The following NOX4 variants were observed in gnomAD, a reference collection of about 807,000 sequenced individuals.
NOX4 encodes NADPH oxidase 4.
NOX4 carries 69 observed loss-of-function variants against 87.6 expected under a neutral mutation model. That is an observed-to-expected ratio of 0.79 (90% confidence interval 0.65 to 0.96). NOX4 has a LOEUF of 0.96. Among genes scored for constraint, NOX4 ranks in the 40% least tolerant of loss-of-function variants. The pLI is 0.00. For synonymous variants in NOX4, 275 were observed against 238.2 expected (o/e 1.15, Z -1.42); for missense variants, 680 against 681.5 (o/e 1.00, Z 0.02).
At chr11:89,554,160 A>AG in the NOX4 span, among the ~76,000 whole-genome samples, 1 of 151,898 alleles carries the variant, frequency 6.6e-6, no homozygotes, top group African/African-American at 2.4e-5. Flanking sequence ...TCAAAATAAA[A>AG]GGGGGGGAGG....
the NOX4 span, among the ~76,000 whole-genome samples, chr11:89,520,470 T>C: frequency 1.3e-5 from 2 of 152,128 alleles, no homozygotes; most frequent in Non-Finnish European, 2.9e-5. Flanking sequence ...AAATGTAGTA[T>C]GAAGATGTTT....
intron 8 of NOX4, among the ~76,000 whole-genome samples, chr11:89,417,977 G>A (rs1200363808): frequency 1.3e-5 from 2 of 152,004 alleles, no homozygotes; most frequent in African/African-American, 2.4e-5. Flanking sequence ...TTTTAAAGAT[G>A]TATTTTAACA....
At chr11:89,327,008 T>C (rs1443319141) in intron 17 of NOX4, 132 bp from the exon 18 acceptor site, 1 of 765,258 alleles carries the variant, frequency 1.3e-6, no homozygotes, top group South Asian at 2.1e-5. Context: ...TTGAAAACAA[T>C]TTTCTAATTA....
At chr11:89,435,430 G>A (rs1944034135) in intron 6 of NOX4, among the ~76,000 whole-genome samples, 1 of 151,968 alleles carries the variant, frequency 6.6e-6, no homozygotes, top group African/African-American at 2.4e-5. Flanking sequence ...TTAGAATAGA[G>A]CCACAATTTC....
chr11:89,370,697 T>C (rs1798535223), intron 12 of NOX4, among the ~76,000 whole-genome samples: 1 of 152,030 alleles, frequency 6.6e-6, no homozygotes, highest in Non-Finnish European at 1.5e-5. Flanking sequence ...CTGAATCATG[T>C]CTAAAATGTT....
chr11:89,421,990 A>C lies in NOX4; in HGVS notation c.549-8T>G. ...ATATCATAGTTAGAAACTCTGCAAA[A>C]ACAAATACACTCATTTTAATGCTAC... On this transcript the variant is annotated splice_polypyrimidine_tract_variant and splice_region_variant and intron_variant, in intron 7 of 17. Transcript: ENST00000263317. The C allele has an allele frequency of 7.1e-7, 1 of 1,408,518 alleles. No individual in the cohort carries two copies. 87.3% of individuals were successfully genotyped at this position (1,408,518 alleles called of 1,614,324 possible).
chr11:89,358,575 C>G (rs2134992724), intron 12 of NOX4, among the ~76,000 whole-genome samples: 1 of 151,086 alleles, frequency 6.6e-6, no homozygotes, highest in East Asian at 2.0e-4. Flanking sequence ...TCATTTATTT[C>G]TTTATAAAAA....
chr11:89,439,678 A>G (rs1005614305), intron 6 of NOX4, among the ~76,000 whole-genome samples: 2 of 152,140 alleles, frequency 1.3e-5, no homozygotes, highest in East Asian at 3.9e-4. Flanking sequence ...AAAATTCCCC[A>G]AATGCATCTT....
chr11:89,462,284 T>C (rs968298494), intron 2 of NOX4, among the ~76,000 whole-genome samples: 1 of 152,174 alleles, frequency 6.6e-6, no homozygotes, highest in African/African-American at 2.4e-5. Context: ...ATTGTAAAGA[T>C]GTCAATCTCT....
chr11:89,372,723 T>C (rs1591049864), intron 12 of NOX4, among the ~76,000 whole-genome samples: 1 of 152,022 alleles, frequency 6.6e-6, no homozygotes, highest in African/African-American at 2.4e-5. Flanking sequence ...AGTATAAGAA[T>C]ATTTAAATTT....
the NOX4 span, among the ~76,000 whole-genome samples, chr11:89,562,434 T>G: frequency 6.6e-6 from 1 of 152,098 alleles, no homozygotes; most frequent in African/African-American, 2.4e-5. Context: ...CCCGCCCCTT[T>G]TATCCAATCT....
At chr11:89,515,651 A>G in the NOX4 span, among the ~76,000 whole-genome samples, 1 of 151,874 alleles carries the variant, frequency 6.6e-6, no homozygotes, top group African/African-American at 2.4e-5. Context: ...AGGATTGTAA[A>G]AATCTTTTTT....
chr11:89,436,737 T>A (rs763030635), intron 6 of NOX4, among the ~76,000 whole-genome samples: 2 of 152,090 alleles, frequency 1.3e-5, no homozygotes, highest in Non-Finnish European at 2.9e-5. Flanking sequence ...TTTTTAAAAT[T>A]AAAGTTAGAT....
Position 89,337,480 on chromosome 11 carries a change from G to T in NOX4, c.1482C>A (p.Ile494=), listed in dbSNP as rs370265438. 16 of 1,612,456 alleles carry T rather than the reference G, an allele frequency of 9.9e-6. No individual in the cohort carries two copies. The African/African-American group carries it at 1.7e-4, about 17-fold the overall frequency. ...CATCTGTTTGACTGAGGTACAGCTG[G>T]ATGTTGACATAGTCAGGTCTGTTCT... The part of the protein sequence containing the change: ...WQENRPDYVN[I]QLYLSQTDGI... The change falls in exon 16 of 18, where the codon ATC becomes ATA. Residue 494 remains isoleucine (I), a synonymous_variant. Coordinates refer to ENST00000263317, the MANE Select transcript of NOX4 (RefSeq NM_016931.5).
At chr11:89,430,123 T>C (rs1380713147) in intron 7 of NOX4, among the ~76,000 whole-genome samples, 1 of 152,212 alleles carries the variant, frequency 6.6e-6, no homozygotes, top group Non-Finnish European at 1.5e-5. Flanking sequence ...TCTCCATAGA[T>C]GCAGAAAAGG....
At chr11:89,380,190 C>G (rs1011159020) in intron 11 of NOX4, among the ~76,000 whole-genome samples, 1 of 152,066 alleles carries the variant, frequency 6.6e-6, no homozygotes, top group African/African-American at 2.4e-5. Flanking sequence ...GAAATGAACA[C>G]TGGTATGTTG....
At chr11:89,457,823 T>C (rs937275623) in intron 2 of NOX4, among the ~76,000 whole-genome samples, 2 of 151,928 alleles carry the variant, frequency 1.3e-5, no homozygotes, top group African/African-American at 2.4e-5. Flanking sequence ...ACAACAATAA[T>C]AAAATACCTA....
At chr11:89,379,930 C>A (rs1940148227) in intron 11 of NOX4, among the ~76,000 whole-genome samples, 1 of 152,170 alleles carries the variant, frequency 6.6e-6, no homozygotes, top group South Asian at 2.1e-4. Flanking sequence ...ACTCTTAACA[C>A]AGCAGCCAGA....
chr11:89,466,093 A>C (rs1945680767), intron 2 of NOX4, among the ~76,000 whole-genome samples: 1 of 152,196 alleles, frequency 6.6e-6, no homozygotes, highest in Admixed American at 6.5e-5. Context: ...GAGGGCCCTC[A>C]TCAAACCCTA....
Sources: allele counts gnomAD v4.1 joint callset (sites outside exome capture counted in the v4.1 genomes callset), GRCh38; gene constraint gnomAD v4.1.1; transcripts MANE v1.5; gene names NCBI Gene and HGNC (gene_info 2026-07-23, HGNC 2026-07-21).